Variants in CADM2 observed in about 807,000 individuals in gnomAD.
The protein encoded by CADM2 is cell adhesion molecule 2, also known as immunoglobulin superfamily member 4D.
A neutral mutation model predicts 49.8 loss-of-function variants in CADM2; 12 were observed. That is an observed-to-expected ratio of 0.24 (90% confidence interval 0.15 to 0.39). The LOEUF is 0.39. Among genes scored for constraint, CADM2 ranks in the 10% least tolerant of loss-of-function variants. CADM2 has a pLI of 1.00. For missense variants in CADM2, 378 were observed against 492.3 expected (o/e 0.77, Z 2.20); for synonymous variants, 214 against 175.4 (o/e 1.22, Z -1.74).
At chr3:85,916,001 A>G (rs1718250554) in intron 6 of CADM2, among the ~76,000 whole-genome samples, 1 of 152,178 alleles carries the variant, frequency 6.6e-6, no homozygotes, top group Admixed American at 6.6e-5. Context: ...GGCATAATGA[A>G]AAAAGTATAG....
intron 8 of CADM2, among the ~76,000 whole-genome samples, chr3:85,983,664 C>A (rs1168516420): frequency 6.6e-6 from 1 of 151,644 alleles, no homozygotes; most frequent in Non-Finnish European, 1.5e-5. Context: ...TTTAATCTGG[C>A]AAAATTCTTT....
chr3:86,039,302 G>A lies in CADM2; in HGVS notation c.971-26303G>A, dbSNP rs573554984. On this transcript the variant is annotated intron_variant, in intron 8 of 9. Coordinates refer to ENST00000383699, the MANE Select transcript of CADM2 (RefSeq NM_001167675.2). ...CACCTGGGAAGTGAAAGGGGTCAGGGAATTCCTAGTCAAAGAAATTCCCTT... is the reference window on the plus strand; with the variant it reads ...CACCTGGGAAGTGAAAGGGGTCAGGAAATTCCTAGTCAAAGAAATTCCCTT... Among the ~76,000 whole-genome samples, 21 of 151,632 alleles carry A rather than the reference G, an allele frequency of 1.4e-4. No homozygotes were observed. In the East Asian group the frequency reaches 2.0e-3, roughly 14 times the overall value.
chr3:85,217,178 ATCTT>A (rs1559726275), intron 1 of CADM2, among the ~76,000 whole-genome samples: 1 of 151,886 alleles, frequency 6.6e-6, no homozygotes, highest in Non-Finnish European at 1.5e-5. Flanking sequence ...CTATGGAAAT[ATCTT>A]TATTTTAGTC....
chr3:85,155,532 G>A (rs1252651581), intron 1 of CADM2, among the ~76,000 whole-genome samples: 10 of 151,920 alleles, frequency 6.6e-5, no homozygotes, highest in Admixed American at 1.3e-4. Context: ...ACAGATCAAC[G>A]AGACAGAAAG....
At chr3:85,167,624 C>T (rs1310434207) in intron 1 of CADM2, among the ~76,000 whole-genome samples, 2 of 151,882 alleles carry the variant, frequency 1.3e-5, no homozygotes, top group Non-Finnish European at 1.5e-5. Context: ...AAATGAATAC[C>T]CTTAACCAGT....
chr3:85,897,276 T>TG, intron 5 of CADM2, among the ~76,000 whole-genome samples: 1 of 107,560 alleles, frequency 9.3e-6, no homozygotes, highest in Non-Finnish European at 1.7e-5. Flanking sequence ...TTTTTTTTTT[T>TG]TTTTGAGACG....
intron 6 of CADM2, among the ~76,000 whole-genome samples, chr3:85,925,819 GAGAT>G (rs552225037): frequency 6.6e-5 from 10 of 152,168 alleles, no homozygotes; most frequent in East Asian, 3.9e-4. Flanking sequence ...AAAGAAGACA[GAGAT>G]AGATAGATAG....
intron 1 of CADM2, among the ~76,000 whole-genome samples, chr3:85,692,294 G>A (rs912768700): frequency 7.2e-5 from 11 of 152,174 alleles, no homozygotes; most frequent in Non-Finnish European, 1.6e-4. Flanking sequence ...ACTGATCAGG[G>A]TAGGCTGAAT....
intron 1 of CADM2, among the ~76,000 whole-genome samples, chr3:85,106,295 T>C (rs1432229992): frequency 6.6e-6 from 1 of 152,016 alleles, no homozygotes; most frequent in African/African-American, 2.4e-5. Context: ...GTAAGGAAGA[T>C]GGAGATTTTT....
chr3:85,578,175 G>A (rs1264336753), intron 1 of CADM2, among the ~76,000 whole-genome samples: 9 of 152,070 alleles, frequency 5.9e-5, no homozygotes, highest in Non-Finnish European at 1.0e-4. Flanking sequence ...TCCACCTTCC[G>A]GTCATTTTCC....
At position 86,014,011 on chromosome 3, in the gene CADM2, T is replaced by C. The variant is rs868432802; in HGVS notation, c.971-51594T>C. The C allele has an allele frequency of 2.3e-5, 33 of 1,407,758 alleles. 1 individual carries two copies. The Middle Eastern group carries it at 3.1e-3, about 134-fold the overall frequency. The allele number at this position is 1,407,758 out of a possible 1,614,324, so 87.2% of individuals were successfully genotyped here. A position where few individuals can be genotyped will look rare whatever the true frequency, so the allele number is the denominator to read the frequency against. ...ACAATTGAAGAAGTTTGTTCTTTTT[T>C]CCCTTGATCACAACTGCTTTTAGAA... On this transcript the variant is annotated intron_variant, in intron 8 of 9. Transcript: ENST00000383699.
chr3:85,128,359 A>C (rs541667833), intron 1 of CADM2, among the ~76,000 whole-genome samples: 1 of 152,330 alleles, frequency 6.6e-6, no homozygotes, highest in Middle Eastern at 3.4e-3. Flanking sequence ...TTATATGAAG[A>C]AGAAAATTAT....
intron 1 of CADM2, among the ~76,000 whole-genome samples, chr3:85,496,995 CG>C (rs1367028678): frequency 6.7e-6 from 1 of 150,180 alleles, no homozygotes; most frequent in South Asian, 2.1e-4. Flanking sequence ...AGGCATGTGC[CG>C]TCATGCCCAG....
chr3:85,774,640 T>C (rs1188482274), intron 2 of CADM2, among the ~76,000 whole-genome samples: 1 of 151,704 alleles, frequency 6.6e-6, no homozygotes, highest in Non-Finnish European at 1.5e-5. Flanking sequence ...AGAATAGCTC[T>C]GGAATTAGAA....
At chr3:84,968,852 G>A (rs915097327) in intron 1 of CADM2, among the ~76,000 whole-genome samples, 2 of 152,050 alleles carry the variant, frequency 1.3e-5, no homozygotes, top group Non-Finnish European at 2.9e-5. Flanking sequence ...AGATATTTAA[G>A]CAGTATTAAT....
At chr3:85,899,056 C>G (rs570054817) in intron 5 of CADM2, among the ~76,000 whole-genome samples, 95 of 142,582 alleles carry the variant, frequency 6.7e-4, no homozygotes, top group African/African-American at 2.4e-3. Flanking sequence ...ACCTCTGCCT[C>G]CTGGGTTGGA....
rs574323345 is a variant in CADM2, at chr3:85,941,167, A to C, written c.791+5310A>C. Among the ~76,000 whole-genome samples, 110 of 152,264 alleles carry C rather than the reference A, an allele frequency of 7.2e-4. 3 individuals carry two copies. In the South Asian group the frequency reaches 0.023, roughly 31 times the overall value. Reference sequence around the variant, plus strand: ...ATGTCGGCCTCCAAGTAATTGTATAATACATCATAACAATGAGGGTGATAA... The same window carrying C: ...ATGTCGGCCTCCAAGTAATTGTATACTACATCATAACAATGAGGGTGATAA... On this transcript the variant is annotated intron_variant, in intron 7 of 9. Coordinates refer to ENST00000383699, the MANE Select transcript of CADM2 (RefSeq NM_001167675.2).
At chr3:86,035,024 T>C (rs144590308) in intron 8 of CADM2, among the ~76,000 whole-genome samples, 2 of 152,184 alleles carry the variant, frequency 1.3e-5, no homozygotes, top group East Asian at 1.9e-4. Flanking sequence ...ACATGTAGTC[T>C]TCATGTTATA....
intron 1 of CADM2, among the ~76,000 whole-genome samples, chr3:85,523,848 A>G (rs2061089392): frequency 6.6e-6 from 1 of 152,158 alleles, no homozygotes; most frequent in African/African-American, 2.4e-5. Flanking sequence ...TGGATAAAAC[A>G]GAGTTTTGTT....
Sources: gnomAD v4.1 joint callset for allele counts (sites outside exome capture counted in the v4.1 genomes callset) on GRCh38, gnomAD v4.1.1 for gene constraint, MANE v1.5 for transcripts, NCBI Gene and HGNC (gene_info 2026-07-23, HGNC 2026-07-21) for gene names.